The following NUP98 variants were observed in gnomAD, a reference collection of about 807,000 sequenced individuals.
NUP98 encodes nucleoporin 98 and 96 precursor.
Under a neutral mutation model 191.9 loss-of-function variants are expected in NUP98, and 26 were observed. That is an observed-to-expected ratio of 0.14 (90% CI 0.10 to 0.19). NUP98 has a LOEUF of 0.19. NUP98 is among the 10% of genes least tolerant of loss of function. The probability of loss-of-function intolerance (pLI) is 1.00; values close to 1 mark genes in which losing one functional copy is unlikely to be tolerated. For missense variants in NUP98, 1,941 were observed against 2,178.8 expected, an observed-to-expected ratio of 0.89 and a Z score of 2.17; for synonymous variants, 808 against 778.4, an observed-to-expected ratio of 1.04 and a Z score of -0.63.
At chr11:3,751,299 G>A (rs1433902348) in intron 11 of NUP98, among the ~76,000 whole-genome samples, 3 of 152,076 alleles carry the variant, frequency 2.0e-5, no homozygotes, top group Admixed American at 1.3e-4. Flanking sequence ...CGGAGGCTGC[G>A]GTGAGCCGAG....
At chr11:3,678,740 C>T (rs962720079) in intron 31 of NUP98, among the ~76,000 whole-genome samples, 2 of 152,076 alleles carry the variant, frequency 1.3e-5, no homozygotes, top group Non-Finnish European at 2.9e-5. Context: ...TCTAAAAGGA[C>T]TTGAATCCTA....
intron 1 of NUP98, among the ~76,000 whole-genome samples, chr11:3,794,354 G>A (rs779217156): frequency 6.6e-6 from 1 of 151,944 alleles, no homozygotes; most frequent in Non-Finnish European, 1.5e-5. Flanking sequence ...TCAGAGTCTC[G>A]CTGTCGCCCA....
In NUP98 at chr11:3,775,977, T is replaced by G. The variant is rs765386326; in HGVS notation, c.400A>C (p.Asn134His). ...TSSGGLFGTT[N>H]TTSNPFGSTS... ...CTGCCAAAAGGATTAGAGGTGGTAT[T>G]TGTGGTTCCAAAGAGTCCTCCACTG... is the stretch of plus-strand genomic sequence containing the variant. Residue 134 changes from asparagine to histidine, a missense_variant, in exon 5 of 33, where the codon AAT becomes CAT. Around this residue, in one of 6 missense-constraint regions of NUP98, gnomAD observed 154 missense variants for 182.9 expected, o/e 0.84. Coordinates refer to ENST00000324932, the MANE Select transcript of NUP98 (RefSeq NM_016320.5). 4 of 1,613,628 alleles carry G rather than the reference T, an allele frequency of 2.5e-6. No homozygotes were observed. In the East Asian group the frequency reaches 6.7e-5, roughly 27 times the overall value.
intron 8 of NUP98, 27 bp downstream of exon 8, chr11:3,768,554 G>C: frequency 2.0e-6 from 3 of 1,498,942 alleles, no homozygotes; most frequent in Non-Finnish European, 2.7e-6. Context: ...ATAAGACATG[G>C]AGGTAAGTAA....
At position 3,738,776 on chromosome 11, in the gene NUP98, CAAAAAAAA is replaced by C. The variant is rs58460963; in HGVS notation, c.1409-3460_1409-3453del. 1.3e-4 allele frequency among the ~76,000 whole-genome samples: 9 copies of C among 67,248 alleles called. No homozygotes were observed. In the East Asian group the frequency reaches 1.4e-3, roughly 10 times the overall value. The allele number at this position is 67,248 out of a possible 152,430, so 44.1% of individuals were successfully genotyped here. The stretch of plus-strand genomic sequence containing the variant: ...CTGGGTGACAGAGTAAGACTCCTCT[CAAAAAAAA>C]AAAAAAAAAAAAAAGGAAAGAAAGA... On this transcript the variant is annotated intron_variant, in intron 12 of 32. Coordinates refer to ENST00000324932, the MANE Select transcript of NUP98 (RefSeq NM_016320.5).
chr11:3,705,235 A>G lies in NUP98; in HGVS notation c.3047T>C (p.Ile1016Thr). Reference sequence around the variant, plus strand: ...AGTTTTCGACGAGTGGGATGCTGAAATGGGGAGTCTGGGAGAACAGATTTC... The same window carrying G: ...AGTTTTCGACGAGTGGGATGCTGAAGTGGGGAGTCTGGGAGAACAGATTTC... ...SQEICSPRLPISASHSSKTRS... is the reference protein window; with the variant it reads ...SQEICSPRLPTSASHSSKTRS... The change falls in exon 22 of 33, where the codon ATT becomes ACT. Residue 1016 changes from isoleucine to threonine, a missense_variant. Around this residue, in one of 6 missense-constraint regions of NUP98, gnomAD observed 1,030 missense variants for 1,115.8 expected, o/e 0.92. Transcript: ENST00000324932. 1 of 1,614,210 alleles carries G rather than the reference A, an allele frequency of 6.2e-7. No homozygotes were observed. Among genetic ancestry groups the G allele is most frequent in the South Asian group, 1.1e-5 (1 of 91,086 alleles).
intron 14 of NUP98, among the ~76,000 whole-genome samples, chr11:3,728,052 G>A (rs1161814504): frequency 2.6e-5 from 4 of 151,996 alleles, no homozygotes; most frequent in South Asian, 2.1e-4. Flanking sequence ...AAATAGTGTC[G>A]CAAGAGTAGT....
chr11:3,734,314 T>C (rs1270131077), intron 13 of NUP98, among the ~76,000 whole-genome samples: 3 of 152,120 alleles, frequency 2.0e-5, no homozygotes, highest in Non-Finnish European at 2.9e-5. Flanking sequence ...ATTACAGGCC[T>C]GAGCCACTGC....
intron 8 of NUP98, among the ~76,000 whole-genome samples, chr11:3,765,735 A>G (rs2081315913): frequency 6.7e-6 from 1 of 149,148 alleles, no homozygotes; most frequent in African/African-American, 2.5e-5. Flanking sequence ...CAGGAGGCAG[A>G]GGTTGCAGTG....
chr11:3,731,036 C>T (rs974206916), intron 14 of NUP98, among the ~76,000 whole-genome samples: 2 of 152,076 alleles, frequency 1.3e-5, no homozygotes, highest in Admixed American at 6.6e-5. Flanking sequence ...GGAGGCCAGG[C>T]GGCAGATCAT....
rs1184998599 is a variant in NUP98, at chr11:3,680,604, C to T, written c.4919-896G>A. The stretch of plus-strand genomic sequence containing the variant: ...TCACTCAGGCTGGAGCACAGTGGCA[C>T]GATCTTGGCTCACTGCAACCTCTGC... On this transcript the variant is annotated intron_variant, in intron 30 of 32. Coordinates refer to ENST00000324932, the MANE Select transcript of NUP98 (RefSeq NM_016320.5). 3.3e-5 allele frequency among the ~76,000 whole-genome samples: 5 copies of T among 152,168 alleles called. No homozygotes were observed. The East Asian group carries it at 7.7e-4, about 24-fold the overall frequency.
chr11:3,784,194 C>G (rs1442439710), intron 1 of NUP98, among the ~76,000 whole-genome samples: 1 of 152,128 alleles, frequency 6.6e-6, no homozygotes, highest in Non-Finnish European at 1.5e-5. Context: ...GAGGTCTTCC[C>G]CAAATTCTAG....
At chr11:3,699,622 T>C (rs2078615972) in intron 24 of NUP98, among the ~76,000 whole-genome samples, 1 of 152,228 alleles carries the variant, frequency 6.6e-6, no homozygotes, top group Non-Finnish European at 1.5e-5. Flanking sequence ...AGCCTAATTA[T>C]GGCTAGTGTC....
intron 30 of NUP98, 160 bp from the exon 31 acceptor site, chr11:3,679,868 A>G: frequency 1.5e-6 from 1 of 679,940 alleles, no homozygotes; most frequent in South Asian, 2.1e-5. Flanking sequence ...TGTGGGTTTC[A>G]TTTCAGACCA....
intron 28 of NUP98, among the ~76,000 whole-genome samples, chr11:3,687,697 T>C (rs546300587): frequency 2.7e-4 from 41 of 152,326 alleles, no homozygotes; most frequent in African/African-American, 8.9e-4. Context: ...GAAAGAGACG[T>C]TGTTAAAGAT....
At chr11:3,776,260 C>G (rs866429552) in intron 4 of NUP98, among the ~76,000 whole-genome samples, 6 of 150,578 alleles carry the variant, frequency 4.0e-5, no homozygotes, top group African/African-American at 1.5e-4. Context: ...TAGCTGGGAC[C>G]ACAGGCATGC....
chr11:3,725,499 G>C (rs1299465665), intron 14 of NUP98, among the ~76,000 whole-genome samples: 1 of 152,084 alleles, frequency 6.6e-6, no homozygotes, highest in African/African-American at 2.4e-5. Flanking sequence ...TCCCAGCTCT[G>C]AGCACTTTAT....
chr11:3,705,497 G>T (rs909554706), intron 21 of NUP98, 141 bp from the exon 22 acceptor site: 3 of 733,648 alleles, frequency 4.1e-6, no homozygotes, highest in African/African-American at 1.8e-5. Flanking sequence ...GTGATGGATG[G>T]ACCCCATTAC....
intron 14 of NUP98, among the ~76,000 whole-genome samples, chr11:3,728,600 G>A (rs1226986403): frequency 5.3e-5 from 8 of 152,072 alleles, no homozygotes; most frequent in Admixed American, 6.6e-5. Context: ...TTAGCTGGGC[G>A]TGGTGGTGGG....
Sources: allele counts gnomAD v4.1 joint callset (sites outside exome capture counted in the v4.1 genomes callset), GRCh38; gene constraint gnomAD v4.1.1; regional missense constraint gnomAD v4.1.1; transcripts MANE v1.5; gene names NCBI Gene and HGNC (gene_info 2026-07-23, HGNC 2026-07-21).